SRGAP2: variants seen among roughly 807,000 people sequenced by gnomAD.
SRGAP2 encodes SLIT-ROBO Rho GTPase activating protein 2.
SRGAP2 carries 15 observed loss-of-function variants against 57.2 expected under a neutral mutation model. The ratio of observed to expected loss-of-function variants is 0.26; its 90% CI spans 0.18 to 0.40. The LOEUF (loss-of-function observed/expected upper bound fraction) is 0.40, where lower values mean the gene tolerates loss of function less well. Among genes scored for constraint, SRGAP2 ranks in the 10% least tolerant of loss-of-function variants. The pLI is 1.00. For synonymous variants in SRGAP2, 249 were observed against 248.0 expected, an observed-to-expected ratio of 1.00 and a Z score of -0.04; for missense variants, 520 against 669.6, an observed-to-expected ratio of 0.78 and a Z score of 2.47.
chr1:206,450,292 T>G, intron 18 of SRGAP2, 94 bp from the exon 19 acceptor site: 1 of 705,854 alleles, frequency 1.4e-6, no homozygotes, highest in Non-Finnish European at 2.6e-6. Context: ...TAAGATGGAT[T>G]CAGTGCCCTC....
chr1:206,438,638 T>G (rs909841162), intron 16 of SRGAP2, among the ~76,000 whole-genome samples: 1 of 152,214 alleles, frequency 6.6e-6, no homozygotes, highest in Non-Finnish European at 1.5e-5. Flanking sequence ...TACTCTAAAA[T>G]TTGGGTCTTG....
chr1:206,448,218 G>A (rs1271031523), intron 18 of SRGAP2, among the ~76,000 whole-genome samples: 16 of 152,174 alleles, frequency 1.1e-4, no homozygotes, highest in Non-Finnish European at 2.2e-4. Context: ...AATGGAGAAT[G>A]ATCAGGAGAC....
At chr1:206,336,013 A>T (rs1383378810) in intron 3 of SRGAP2, among the ~76,000 whole-genome samples, 14 of 152,070 alleles carry the variant, frequency 9.2e-5, no homozygotes, top group African/African-American at 3.1e-4. Flanking sequence ...CACTTAATAG[A>T]TGTCAGACAT....
chr1:206,265,751 G>A (rs545031929), intron 2 of SRGAP2, among the ~76,000 whole-genome samples: 1 of 152,210 alleles, frequency 6.6e-6, no homozygotes, highest in South Asian at 2.1e-4. Flanking sequence ...ATTTAGAAAA[G>A]CATTATAACA....
chr1:206,380,521 GA>G (rs1332056631), intron 4 of SRGAP2, among the ~76,000 whole-genome samples: 1 of 135,608 alleles, frequency 7.4e-6, no homozygotes, highest in Non-Finnish European at 1.6e-5. Flanking sequence ...AAACATTTAA[GA>G]GAAAAACTTT....
chr1:206,362,826 T>C (rs1263990280), intron 4 of SRGAP2, among the ~76,000 whole-genome samples: 3 of 152,008 alleles, frequency 2.0e-5, no homozygotes, highest in Non-Finnish European at 4.4e-5. Context: ...ACACAGTGAA[T>C]TGAGTTCTGA....
intron 19 of SRGAP2, among the ~76,000 whole-genome samples, chr1:206,450,753 G>C (rs539328272): frequency 3.3e-5 from 5 of 152,262 alleles, no homozygotes; most frequent in African/African-American, 7.2e-5. Flanking sequence ...GCATGATGTT[G>C]GTCCCTTATC....
At chr1:206,431,698 C>G (rs1208946047) in intron 14 of SRGAP2, among the ~76,000 whole-genome samples, 1 of 152,184 alleles carries the variant, frequency 6.6e-6, no homozygotes, top group Admixed American at 6.5e-5. Flanking sequence ...ATTGATCAGC[C>G]AGTAAATACA....
intron 3 of SRGAP2, among the ~76,000 whole-genome samples, chr1:206,319,231 G>A (rs557507614): frequency 2.2e-4 from 33 of 147,672 alleles, no homozygotes; most frequent in African/African-American, 7.2e-4. Context: ...CTAATACGGC[G>A]AAACCCCATC....
chr1:206,281,707 G>A (rs1365643353), intron 2 of SRGAP2, among the ~76,000 whole-genome samples: 1 of 108,878 alleles, frequency 9.2e-6, no homozygotes, highest in African/African-American at 4.7e-5. Flanking sequence ...AGAGGCTGAG[G>A]CATGGGAATC....
intron 2 of SRGAP2, among the ~76,000 whole-genome samples, chr1:206,220,154 CTT>C (rs1271590541): frequency 6.8e-6 from 1 of 147,194 alleles, no homozygotes; most frequent in African/African-American, 2.5e-5. Flanking sequence ...TCTAACAAAA[CTT>C]AATGTAAAAT....
chr1:206,292,492 A>C (rs1198450768), intron 2 of SRGAP2, among the ~76,000 whole-genome samples: 6 of 151,566 alleles, frequency 4.0e-5, no homozygotes, highest in African/African-American at 7.3e-5. Context: ...AGTTGTGTTC[A>C]TCTGGGGTGA....
chr1:206,454,574 C>G lies in SRGAP2; in HGVS notation c.2361-304C>G. The G allele has an allele frequency of 2.4e-6, 1 of 424,226 alleles. No homozygotes were observed. The allele number at this position is 424,226 out of a possible 1,614,324, so 26.3% of individuals were successfully genotyped here. ...CAGGAGGCCGCCCCAGCACGGCCTC[C>G]CCAGGAAGCAGCATGGGGTAGAAGG... On this transcript the variant is annotated intron_variant, in intron 20 of 22. Coordinates refer to ENST00000573034, the MANE Select transcript of SRGAP2 (RefSeq NM_015326.5). The surrounding 1 kb of genome is among the most constrained non-coding windows in gnomAD (Gnocchi z 4.3).
chr1:206,293,040 C>T (rs1456227341), intron 2 of SRGAP2, among the ~76,000 whole-genome samples: 1 of 152,206 alleles, frequency 6.6e-6, no homozygotes, highest in Non-Finnish European at 1.5e-5. Context: ...AGTAAACTCT[C>T]CAGAGCCAGC....
chr1:206,268,890 GAA>G (rs1414761112), intron 2 of SRGAP2, among the ~76,000 whole-genome samples: 16 of 124,626 alleles, frequency 1.3e-4, no homozygotes, highest in African/African-American at 4.9e-4. Context: ...TAAATGAGCT[GAA>G]AATCACCTAA....
chr1:206,414,786 A>G (rs569727865), intron 10 of SRGAP2, among the ~76,000 whole-genome samples: 1 of 152,384 alleles, frequency 6.6e-6, no homozygotes, highest in Admixed American at 6.5e-5. Context: ...TAATAAGGAA[A>G]TAATATCTTC....
chr1:206,268,165 C>T (rs1558266580), intron 2 of SRGAP2, among the ~76,000 whole-genome samples: 1 of 150,732 alleles, frequency 6.6e-6, no homozygotes, highest in Non-Finnish European at 1.5e-5. Flanking sequence ...ATACATGTGC[C>T]ATGTTGGTGT....
chr1:206,308,024 G>A (rs1313888011), intron 3 of SRGAP2, among the ~76,000 whole-genome samples: 1 of 150,360 alleles, frequency 6.7e-6, no homozygotes, highest in Admixed American at 6.6e-5. Flanking sequence ...CTCTCAATCT[G>A]AATTGTTCTA....
intron 2 of SRGAP2, among the ~76,000 whole-genome samples, chr1:206,255,768 A>G (rs1275534000): frequency 6.6e-6 from 1 of 151,786 alleles, no homozygotes; most frequent in Non-Finnish European, 1.5e-5. Context: ...AACTTCTTCA[A>G]GAAGATAAGA....
Sources: gnomAD v4.1 joint callset for allele counts (sites outside exome capture counted in the v4.1 genomes callset) on GRCh38, gnomAD v4.1.1 for gene constraint, Gnocchi (gnomAD v3.1) non-coding constraint, MANE v1.5 for transcripts, NCBI Gene and HGNC (gene_info 2026-07-23, HGNC 2026-07-21) for gene names.